GPHN: variants seen among roughly 807,000 people sequenced by gnomAD.
GPHN encodes the protein gephyrin.
GPHN carries 17 observed loss-of-function variants against 95.5 expected under a neutral mutation model. The ratio of observed to expected loss-of-function variants is 0.18; its 90% CI spans 0.12 to 0.27. GPHN has a LOEUF of 0.27. Among genes scored for constraint, GPHN ranks in the 10% least tolerant of loss-of-function variants. The pLI, the probability that GPHN is intolerant of heterozygous loss-of-function variation, is 1.00. For synonymous variants in GPHN, 320 were observed against 322.5 expected (o/e 0.99, Z 0.08); for missense variants, 660 against 978.1 (o/e 0.67, Z 4.34).
chr14:67,504,876 C>T, the GPHN span, among the ~76,000 whole-genome samples: 1 of 152,164 alleles, frequency 6.6e-6, no homozygotes, highest in African/African-American at 2.4e-5. Context: ...ACAAGAGCGA[C>T]ACTCCGTCTC....
chr14:67,472,519 A>G, the GPHN span: 1 of 152,394 alleles, frequency 6.6e-6, no homozygotes, highest in Non-Finnish European at 1.5e-5. Context: ...ACAGCCCACT[A>G]GACCGGGGGT....
At chr14:67,224,656 G>C in the GPHN span, 1 of 313,354 alleles carries the variant, frequency 3.2e-6, no homozygotes, top group East Asian at 1.2e-4. Context: ...CCAAATTATG[G>C]GCTTATCTCT....
chr14:66,662,660 G>A (rs72726464), intron 1 of GPHN, among the ~76,000 whole-genome samples: 8,915 of 152,272 alleles, frequency 0.059, 357 homozygotes, highest in Middle Eastern at 0.099. Flanking sequence ...TCGGAATGTG[G>A]ATAAAATTGA....
chr14:67,204,848 G>T, the GPHN span: 2 of 1,613,924 alleles, frequency 1.2e-6, no homozygotes, highest in Non-Finnish European at 1.7e-6. Flanking sequence ...GCAGGTACAG[G>T]CCCTGAACAT....
At chr14:66,634,746 A>T (rs150429960) in intron 1 of GPHN, among the ~76,000 whole-genome samples, 1,721 of 152,020 alleles carry the variant, frequency 0.011, 16 homozygotes, top group Non-Finnish European at 0.018. Flanking sequence ...CAGCTATAAG[A>T]TTGCTTTTTT....
At chr14:67,146,514 A>G (rs994800160) in intron 18 of GPHN, among the ~76,000 whole-genome samples, 2 of 152,222 alleles carry the variant, frequency 1.3e-5, no homozygotes, top group Non-Finnish European at 2.9e-5. Flanking sequence ...AGGATGCACT[A>G]AACTGGACAC....
the GPHN span, among the ~76,000 whole-genome samples, chr14:67,479,232 C>G: frequency 6.6e-6 from 1 of 151,518 alleles, no homozygotes; most frequent in South Asian, 2.1e-4. Context: ...ATGGTGAAAC[C>G]CTGTCTCTAC....
chr14:67,320,472 A>C, the GPHN span: 2 of 1,355,652 alleles, frequency 1.5e-6, no homozygotes, highest in East Asian at 5.0e-5. Context: ...TCATGTAGGG[A>C]AATTTTTTAT....
At chr14:67,088,943 C>A in intron 11 of GPHN, 40 bp from the exon 12 acceptor site, 2 of 1,131,686 alleles carry the variant, frequency 1.8e-6, no homozygotes, top group Non-Finnish European at 2.7e-6. Context: ...TTACCCATTG[C>A]TCTCCATATT....
chr14:67,211,395 T>C, the GPHN span, among the ~76,000 whole-genome samples: 2 of 152,128 alleles, frequency 1.3e-5, no homozygotes, highest in African/African-American at 4.8e-5. Flanking sequence ...AAGTAATCTT[T>C]CCACTATACT....
chr14:67,192,214 A>G, the GPHN span, among the ~76,000 whole-genome samples: 3 of 152,222 alleles, frequency 2.0e-5, no homozygotes, highest in Non-Finnish European at 2.9e-5. Flanking sequence ...GGAAAAATAT[A>G]AGCTATGATT....
chr14:67,022,568 G>GTTGTGTGTGT (rs1555466198), intron 9 of GPHN, among the ~76,000 whole-genome samples: 12 of 20,880 alleles, frequency 5.7e-4, no homozygotes, highest in South Asian at 2.3e-3. Context: ...TTTTTTTTTT[G>GTTGTGTGTGT]GTGTGTGTGT....
chr14:67,164,309 T>C (rs1273731511), intron 19 of GPHN, among the ~76,000 whole-genome samples: 1 of 151,476 alleles, frequency 6.6e-6, no homozygotes, highest in Non-Finnish European at 1.5e-5. Flanking sequence ...AATTTTGTTC[T>C]AGTCATGATA....
chr14:66,888,835 G>T (rs2064328817), intron 5 of GPHN, among the ~76,000 whole-genome samples: 1 of 152,064 alleles, frequency 6.6e-6, no homozygotes, highest in South Asian at 2.1e-4. Flanking sequence ...CTGTCTACAT[G>T]AGACTCATTT....
chr14:67,336,972 G>T, the GPHN span, among the ~76,000 whole-genome samples: 1 of 152,154 alleles, frequency 6.6e-6, no homozygotes, highest in Non-Finnish European at 1.5e-5. Flanking sequence ...AAATTCTGAA[G>T]GTAGACTGCT....
At chr14:66,656,073 C>T (rs1000155255) in intron 1 of GPHN, among the ~76,000 whole-genome samples, 11 of 152,018 alleles carry the variant, frequency 7.2e-5, no homozygotes, top group African/African-American at 2.7e-4. Context: ...TTTTATTATA[C>T]TGTCTTTGTT....
intron 4 of GPHN, among the ~76,000 whole-genome samples, chr14:66,840,191 A>G (rs2062019177): frequency 6.6e-6 from 1 of 152,160 alleles, no homozygotes; most frequent in South Asian, 2.1e-4. Context: ...AGGCAGGAGA[A>G]TCATTTGTAC....
At chr14:67,735,336 T>C in the GPHN span, 1 of 776,080 alleles carries the variant, frequency 1.3e-6, no homozygotes, top group East Asian at 2.4e-5. Flanking sequence ...AAAAGGACCA[T>C]CTAGTCTGCT....
At chr14:66,814,945 TAGCC>T (rs1198171799) in intron 3 of GPHN, among the ~76,000 whole-genome samples, 3 of 152,068 alleles carry the variant, frequency 2.0e-5, no homozygotes, top group African/African-American at 7.2e-5. Context: ...ACAGACAAAA[TAGCC>T]AGTACTGAAA....
Sources: allele counts gnomAD v4.1 joint callset (sites outside exome capture counted in the v4.1 genomes callset), GRCh38; gene constraint gnomAD v4.1.1; transcripts MANE v1.5; gene names NCBI Gene and HGNC (gene_info 2026-07-23, HGNC 2026-07-21).